The following TENM4 variants were observed in gnomAD, a reference collection of about 807,000 sequenced individuals.
The protein encoded by TENM4 is teneurin transmembrane protein 4.
Under a neutral mutation model 243.3 loss-of-function variants are expected in TENM4, and 82 were observed. The ratio of observed to expected loss-of-function variants is 0.34; its 90% CI spans 0.28 to 0.40. The LOEUF (loss-of-function observed/expected upper bound fraction) is 0.40. TENM4 is among the 10% of genes least tolerant of loss of function. TENM4 has a pLI of 1.00. For missense variants in TENM4, 3,138 were observed against 3,673.3 expected, an observed-to-expected ratio of 0.85 and a Z score of 3.77; for synonymous variants, 1,412 against 1,456.3, an observed-to-expected ratio of 0.97 and a Z score of 0.69.
At chr11:79,123,156 A>G (rs1861778249) in intron 4 of TENM4, among the ~76,000 whole-genome samples, 1 of 152,158 alleles carries the variant, frequency 6.6e-6, no homozygotes. Flanking sequence ...CTGGAATAAG[A>G]CAATAGATGA....
intron 5 of TENM4, among the ~76,000 whole-genome samples, chr11:79,067,324 T>C (rs75177966): frequency 5.7e-4 from 87 of 152,298 alleles, no homozygotes; most frequent in Non-Finnish European, 9.4e-4. Context: ...GTCGGCTTCC[T>C]GCTCTCCCTG....
At chr11:79,191,767 G>A (rs938577792) in intron 3 of TENM4, 9 of 182,800 alleles carry the variant, frequency 4.9e-5, no homozygotes, top group South Asian at 2.8e-4. Flanking sequence ...GGAGCGCCTC[G>A]TCCCGGCCGC....
At chr11:79,089,627 G>A (rs776498732) in intron 4 of TENM4, among the ~76,000 whole-genome samples, 2 of 152,080 alleles carry the variant, frequency 1.3e-5, no homozygotes, top group East Asian at 1.9e-4. Flanking sequence ...TTCAGTGAGC[G>A]AATAGCAAGT....
chr11:79,224,761 G>A (rs573974823), intron 2 of TENM4, among the ~76,000 whole-genome samples: 1 of 152,158 alleles, frequency 6.6e-6, no homozygotes, highest in Non-Finnish European at 1.5e-5. Context: ...GACCAGCCTG[G>A]CCAACATGGC....
At chr11:79,182,393 A>G (rs1005235824) in intron 3 of TENM4, among the ~76,000 whole-genome samples, 1 of 152,152 alleles carries the variant, frequency 6.6e-6, no homozygotes, top group African/African-American at 2.4e-5. Flanking sequence ...TCCAAATATC[A>G]AAAAATTTAT....
At chr11:78,663,918 C>G (rs919979894) in intron 32 of TENM4, among the ~76,000 whole-genome samples, 12 of 152,178 alleles carry the variant, frequency 7.9e-5, no homozygotes, top group African/African-American at 2.9e-4. Flanking sequence ...GGGGCCCCCT[C>G]TCCCGAGTGT....
chr11:78,724,816 G>C (rs1004652912), intron 23 of TENM4, among the ~76,000 whole-genome samples: 1 of 152,224 alleles, frequency 6.6e-6, no homozygotes, highest in Non-Finnish European at 1.5e-5. Flanking sequence ...ACAATGCAAG[G>C]GACTTGCTCT....
chr11:79,411,966 A>C (rs1858710332), intron 1 of TENM4, among the ~76,000 whole-genome samples: 1 of 152,198 alleles, frequency 6.6e-6, no homozygotes, highest in South Asian at 2.1e-4. Context: ...GTGGGAGCCG[A>C]TATTCCTGAC....
chr11:79,280,706 G>A (rs1856142281), intron 2 of TENM4, among the ~76,000 whole-genome samples: 1 of 152,102 alleles, frequency 6.6e-6, no homozygotes, highest in Admixed American at 6.5e-5. Context: ...TTTCTTGAGA[G>A]GCCCCTGGGT....
At chr11:78,833,107 C>T (rs890956477) in intron 12 of TENM4, among the ~76,000 whole-genome samples, 12 of 151,840 alleles carry the variant, frequency 7.9e-5, no homozygotes, top group African/African-American at 2.7e-4. Flanking sequence ...GTCCTTTCTT[C>T]CTTGACCTCT....
intron 1 of TENM4, among the ~76,000 whole-genome samples, chr11:79,322,513 A>G (rs747074987): frequency 7.2e-5 from 11 of 152,150 alleles, no homozygotes; most frequent in Non-Finnish European, 1.5e-4. Flanking sequence ...ATTTGTCTAT[A>G]TCTTTCCACC....
chr11:78,875,502 C>A (rs1591090188), intron 9 of TENM4, among the ~76,000 whole-genome samples: 1 of 152,182 alleles, frequency 6.6e-6, no homozygotes, highest in South Asian at 2.1e-4. Context: ...CTGTGCCCAG[C>A]CTAGTTTCTT....
At position 78,893,780 on chromosome 11, in the gene TENM4, T is replaced by TACACACACACACACACAC. The variant is rs368536086; in HGVS notation, c.750-2462_750-2445dup. On this transcript the variant is annotated intron_variant, in intron 7 of 33. Transcript: ENST00000278550. ...TGTACTGATTTTTCAGGACTTCACA[T>TACACACACACACACACAC]ACACACACACACACACACACTCCTC... Among the ~76,000 whole-genome samples the TACACACACACACACACAC allele has an allele frequency of 7.6e-3, 1,083 of 142,728 alleles. 19 individuals carry two copies. Among genetic ancestry groups the TACACACACACACACACAC allele is most frequent in the African/African-American group, 0.018 (656 of 36,084 alleles). The allele number at this position is 142,728 out of a possible 152,430, so 93.6% of individuals were successfully genotyped here.
intron 1 of TENM4, among the ~76,000 whole-genome samples, chr11:79,335,721 A>G (rs2135452352): frequency 6.6e-6 from 1 of 152,286 alleles, no homozygotes; most frequent in Non-Finnish European, 1.5e-5. Context: ...GCTCAGGAGA[A>G]GCCTAGAGGG....
At chr11:79,357,323 T>C (rs900128981) in intron 1 of TENM4, among the ~76,000 whole-genome samples, 1 of 152,204 alleles carries the variant, frequency 6.6e-6, no homozygotes, top group Non-Finnish European at 1.5e-5. Context: ...TCAGAATATT[T>C]CTCCTTCTGT....
chr11:78,894,401 G>C (rs1855741024), intron 7 of TENM4, among the ~76,000 whole-genome samples: 1 of 152,144 alleles, frequency 6.6e-6, no homozygotes, highest in African/African-American at 2.4e-5. Context: ...AGACATAAAG[G>C]ATAAAGATCA....
At chr11:79,423,780 G>A (rs886403389) in intron 1 of TENM4, among the ~76,000 whole-genome samples, 4 of 152,186 alleles carry the variant, frequency 2.6e-5, no homozygotes, top group African/African-American at 9.6e-5. Flanking sequence ...AAGAAGGAGT[G>A]ACCAGCAAGT....
chr11:79,345,808 T>G (rs1388932406), intron 1 of TENM4, among the ~76,000 whole-genome samples: 1 of 152,194 alleles, frequency 6.6e-6, no homozygotes, highest in Non-Finnish European at 1.5e-5. Context: ...TGGCCACATC[T>G]GAGGACCCAG....
intron 6 of TENM4, among the ~76,000 whole-genome samples, chr11:78,918,165 A>G (rs685758): frequency 0.51 from 78,159 of 152,038 alleles, 24,167 homozygotes; most frequent in East Asian, 0.77. Flanking sequence ...CCTGGCATGC[A>G]GTAGGTGTTC....
Sources: gnomAD v4.1 joint callset for allele counts (sites outside exome capture counted in the v4.1 genomes callset) on GRCh38, gnomAD v4.1.1 for gene constraint, MANE v1.5 for transcripts, NCBI Gene and HGNC (gene_info 2026-07-23, HGNC 2026-07-21) for gene names.